KAT6B: variants seen among roughly 807,000 people sequenced by gnomAD.
KAT6B encodes histone acetyltransferase KAT6B.
In KAT6B, 10 loss-of-function variants were observed where a neutral mutation model predicts 187.5. That is an observed-to-expected ratio of 0.05 (90% CI 0.03 to 0.09). The LOEUF (loss-of-function observed/expected upper bound fraction) is 0.09. Among genes scored for constraint, KAT6B ranks in the 10% least tolerant of loss-of-function variants. KAT6B has a pLI of 1.00. For synonymous variants in KAT6B, 861 were observed against 926.8 expected (o/e 0.93, Z 1.29); for missense variants, 1,952 against 2,558.9 (o/e 0.76, Z 5.12).
intron 4 of KAT6B, among the ~76,000 whole-genome samples, chr10:74,964,676 T>C (rs2133579326): frequency 6.6e-6 from 1 of 152,210 alleles, no homozygotes; most frequent in Non-Finnish European, 1.5e-5. Context: ...CTTGCACTGC[T>C]TCCTCCACCC....
At chr10:74,951,078 A>G (rs1159843515) in intron 3 of KAT6B, among the ~76,000 whole-genome samples, 1 of 151,968 alleles carries the variant, frequency 6.6e-6, no homozygotes, top group Non-Finnish European at 1.5e-5. Flanking sequence ...TTACCATTGC[A>G]GTGTATTCAT....
At chr10:75,017,458 G>A (rs1327769830) in intron 13 of KAT6B, among the ~76,000 whole-genome samples, 1 of 152,048 alleles carries the variant, frequency 6.6e-6, no homozygotes, top group African/African-American at 2.4e-5. Context: ...TACTAAAAAT[G>A]CAAATCTTAG....
chr10:74,972,840 C>G (rs1338980566), intron 7 of KAT6B, among the ~76,000 whole-genome samples: 2 of 152,000 alleles, frequency 1.3e-5, no homozygotes, highest in African/African-American at 2.4e-5. Context: ...TTGGGGTCTT[C>G]TGTTGGCAGT....
At chr10:74,830,748 A>ATATATATATATATATATG (rs1554912246) in intron 1 of KAT6B, among the ~76,000 whole-genome samples, 235 of 19,042 alleles carry the variant, frequency 0.012, 2 homozygotes, top group South Asian at 0.015. Flanking sequence ...ATATATATAT[A>ATATATATATATATATATG]TATATATATA....
At chr10:74,844,445 C>T (rs1564516958) in intron 3 of KAT6B, among the ~76,000 whole-genome samples, 1 of 152,238 alleles carries the variant, frequency 6.6e-6, no homozygotes, top group African/African-American at 2.4e-5. Context: ...GTGATCCACC[C>T]GCTTTGGTCT....
chr10:74,972,205 C>CT (rs1301110040), intron 6 of KAT6B, among the ~76,000 whole-genome samples: 2 of 151,806 alleles, frequency 1.3e-5, no homozygotes, highest in Non-Finnish European at 2.9e-5. Flanking sequence ...GATATAATAT[C>CT]TGACAGGGGC....
At chr10:74,919,109 G>C (rs560817423) in intron 3 of KAT6B, among the ~76,000 whole-genome samples, 2 of 152,112 alleles carry the variant, frequency 1.3e-5, no homozygotes, top group East Asian at 3.9e-4. Flanking sequence ...TGTAATCCCA[G>C]CTACTTGGGA....
chr10:74,963,247 C>T (rs1431667154), intron 4 of KAT6B, among the ~76,000 whole-genome samples: 1 of 152,200 alleles, frequency 6.6e-6, no homozygotes, highest in Non-Finnish European at 1.5e-5. Context: ...CTGTTATATT[C>T]TCTTTGCCTC....
intron 3 of KAT6B, among the ~76,000 whole-genome samples, chr10:74,937,392 T>C (rs1326825518): frequency 6.6e-6 from 1 of 152,192 alleles, no homozygotes; most frequent in Non-Finnish European, 1.5e-5. Context: ...CCAGCCTTCA[T>C]TACCCAAAGC....
At chr10:74,920,781 C>G (rs1437924821) in intron 3 of KAT6B, among the ~76,000 whole-genome samples, 1 of 152,124 alleles carries the variant, frequency 6.6e-6, no homozygotes, top group Non-Finnish European at 1.5e-5. Context: ...TGCTTTTATA[C>G]CCCAACAAAG....
chr10:75,002,073 A>C lies in KAT6B; in HGVS notation c.2629+12961A>C, dbSNP rs977834677. 1.5e-4 allele frequency among the ~76,000 whole-genome samples: 23 copies of C among 152,262 alleles called. 2 individuals are homozygous for C. Among genetic ancestry groups the C allele is most frequent in the East Asian group, 7.7e-4 (4 of 5,182 alleles). On this transcript the variant is annotated intron_variant, in intron 13 of 17. Transcript: ENST00000287239. The stretch of plus-strand genomic sequence containing the variant: ...CCCAAGACAGGACCTGAGGATGGGT[A>C]TGGGTAGCAGAGATATTGCTCCCTT...
Position 75,029,528 on chromosome 10 carries a change from C to A in KAT6B, c.4704C>A (p.Ala1568=). The change falls in exon 18 of 18, where the codon GCC becomes GCA. Residue 1568 remains alanine, a synonymous_variant. Coordinates refer to ENST00000287239, the MANE Select transcript of KAT6B (RefSeq NM_012330.4). The surrounding 1 kb of genome is among the most constrained non-coding windows in gnomAD (Gnocchi z 6.2). Reference sequence around the variant, plus strand: ...AGGATTGTGCCGAGACTCAAGAGGCCTGTAGAAGCCTACAGAACTACACCC... The same window carrying A: ...AGGATTGTGCCGAGACTCAAGAGGCATGTAGAAGCCTACAGAACTACACCC... The part of the protein sequence containing the change: ...TFQDCAETQE[A]CRSLQNYTRA... 1 of 1,614,130 alleles carries A rather than the reference C, an allele frequency of 6.2e-7. No individual in the cohort carries two copies. Among genetic ancestry groups the A allele is most frequent in the Non-Finnish European group, 8.5e-7 (1 of 1,180,026 alleles).
intron 1 of KAT6B, among the ~76,000 whole-genome samples, chr10:74,828,290 A>G (rs1840429098): frequency 6.6e-6 from 1 of 152,132 alleles, no homozygotes. Context: ...GGGAAATAGG[A>G]AATGAAGACC....
chr10:74,975,452 C>T lies in KAT6B; in HGVS notation c.1115C>T (p.Pro372Leu). The change falls in exon 8 of 18, where the codon CCT becomes CTT. Residue 372 changes from proline to leucine, a missense_variant. Pro to Leu is a moderately conservative substitution (Grantham distance 98). Around this residue, in one of 9 missense-constraint regions of KAT6B, gnomAD observed 417 missense variants for 508.9 expected, o/e 0.82. Transcript: ENST00000287239. ...AATGCATTCACAGGAAGGGGGTCAC[C>T]TGGTAGGGGTCAAAAGACTAAAGTC... ...SMNAFTGRGS[P>L]GRGQKTKVCT... 1 of 1,614,126 alleles carries T rather than the reference C, an allele frequency of 6.2e-7. No homozygotes were observed.
intron 13 of KAT6B, among the ~76,000 whole-genome samples, chr10:75,015,020 G>T (rs958353446): frequency 2.0e-4 from 30 of 152,156 alleles, no homozygotes; most frequent in Non-Finnish European, 3.7e-4. Context: ...TCACCTGGGG[G>T]ACTTCTGAAA....
At chr10:74,976,645 T>G (rs943626381) in intron 8 of KAT6B, 81 of 416,540 alleles carry the variant, frequency 1.9e-4, no homozygotes, top group Non-Finnish European at 5.4e-5. Context: ...GCCACTGCCA[T>G]GCTTCTGCCA....
intron 3 of KAT6B, among the ~76,000 whole-genome samples, chr10:74,957,419 A>G (rs1258844463): frequency 6.6e-6 from 1 of 152,206 alleles, no homozygotes; most frequent in East Asian, 1.9e-4. Flanking sequence ...TATGCTTTCT[A>G]TTATTGGACA....
chr10:74,932,813 T>C (rs1848982049), intron 3 of KAT6B, among the ~76,000 whole-genome samples: 1 of 152,170 alleles, frequency 6.6e-6, no homozygotes, highest in South Asian at 2.1e-4. Context: ...TAGCTGTCCA[T>C]CTGTTCTCCT....
In KAT6B at chr10:74,842,808, A is replaced by G. The variant is rs1841840529; in HGVS notation, c.-50A>G. 3 of 1,607,156 alleles carry G rather than the reference A, an allele frequency of 1.9e-6. No individual in the cohort carries two copies. ...AAATGTGCAAGTTCTGTTAAATACA[A>G]AGAGAACCTCTATGGGTAACTTTTG... On this transcript the variant is annotated 5_prime_UTR_variant, in exon 3 of 18. Transcript: ENST00000287239.
Sources: allele counts gnomAD v4.1 joint callset (sites outside exome capture counted in the v4.1 genomes callset), GRCh38; gene constraint gnomAD v4.1.1; regional missense constraint gnomAD v4.1.1; non-coding constraint Gnocchi (gnomAD v3.1); transcripts MANE v1.5; gene names NCBI Gene and HGNC (gene_info 2026-07-23, HGNC 2026-07-21).